ENOX1: variants seen among roughly 807,000 people sequenced by gnomAD.
ENOX1 encodes the protein ecto-NOX disulfide-thiol exchanger 1.
In ENOX1, 42 loss-of-function variants were observed where a neutral mutation model predicts 82.5. The observed-to-expected ratio is 0.51, with a 90% CI of 0.40 to 0.66. The LOEUF (loss-of-function observed/expected upper bound fraction) is 0.66, where lower values mean the gene tolerates loss of function less well. ENOX1 is among the 30% of genes least tolerant of loss of function. ENOX1 has a pLI of 0.00. For synonymous variants in ENOX1, 271 were observed against 282.2 expected (o/e 0.96, Z 0.40); for missense variants, 608 against 811.6 (o/e 0.75, Z 3.05).
At chr13:43,353,725 C>T (rs980201558) in intron 8 of ENOX1, among the ~76,000 whole-genome samples, 9 of 152,194 alleles carry the variant, frequency 5.9e-5, no homozygotes, top group Non-Finnish European at 2.9e-5. Flanking sequence ...TAAGATGTAT[C>T]CCCAGCTAGT....
chr13:43,567,469 C>T (rs1369535283), intron 2 of ENOX1, among the ~76,000 whole-genome samples: 1 of 151,790 alleles, frequency 6.6e-6, no homozygotes, highest in Non-Finnish European at 1.5e-5. Context: ...AAATCATATC[C>T]AGGAAATAAA....
At chr13:43,339,201 T>C (rs1433156573) in intron 9 of ENOX1, among the ~76,000 whole-genome samples, 21 of 152,240 alleles carry the variant, frequency 1.4e-4, no homozygotes. Flanking sequence ...AACTTTTTCT[T>C]TATGTTATTA....
chr13:43,573,676 C>T (rs992254386), intron 2 of ENOX1, among the ~76,000 whole-genome samples: 3 of 152,156 alleles, frequency 2.0e-5, no homozygotes, highest in African/African-American at 2.4e-5. Flanking sequence ...GAGGGCTACA[C>T]ATTTCATTCC....
rs768985965 is a variant in ENOX1, at chr13:43,298,511, G to A, written c.1281C>T (p.Tyr427=). 31 of 1,612,726 alleles carry A rather than the reference G, an allele frequency of 1.9e-5. No individual in the cohort carries two copies. The highest frequency in any genetic ancestry group is 4.5e-5 in the East Asian group (2 of 44,878). Residue 427 remains tyrosine, a synonymous_variant, in exon 12 of 17, where the codon TAC becomes TAT. Transcript: ENST00000690772. ...GACTGTCATTCTCCTCTTTCAGAGC[G>A]TAGGCCTGGGCAGCCAGGGCTGAGG... ...VDESALAAQA[Y]ALKEENDSLR...
At chr13:43,454,260 T>G (rs2057114755) in intron 3 of ENOX1, among the ~76,000 whole-genome samples, 1 of 144,582 alleles carries the variant, frequency 6.9e-6, no homozygotes, top group East Asian at 2.0e-4. Flanking sequence ...GGGGAAACTA[T>G]TTTTTTTTTT....
At chr13:43,455,519 T>G (rs1189119348) in intron 3 of ENOX1, among the ~76,000 whole-genome samples, 1 of 152,204 alleles carries the variant, frequency 6.6e-6, no homozygotes, top group Non-Finnish European at 1.5e-5. Context: ...TCTTTAGTAC[T>G]TGTCTCTGAA....
At chr13:43,661,470 A>T (rs375481352) in intron 2 of ENOX1, among the ~76,000 whole-genome samples, 2 of 152,328 alleles carry the variant, frequency 1.3e-5, no homozygotes, top group South Asian at 4.1e-4. Flanking sequence ...TCTAAAGTAC[A>T]ATGAGCCCAC....
chr13:43,485,058 T>G (rs965434198), intron 2 of ENOX1, among the ~76,000 whole-genome samples: 2 of 152,216 alleles, frequency 1.3e-5, no homozygotes, highest in Non-Finnish European at 1.5e-5. Context: ...CCTGATTGCA[T>G]CAGGAACTGA....
chr13:43,708,287 T>G (rs975774234), intron 1 of ENOX1, among the ~76,000 whole-genome samples: 1 of 152,146 alleles, frequency 6.6e-6, no homozygotes, highest in Non-Finnish European at 1.5e-5. Context: ...GACAGGCCAT[T>G]GCGCATGTCG....
intron 1 of ENOX1, among the ~76,000 whole-genome samples, chr13:43,768,729 T>G (rs745620726): frequency 6.6e-5 from 10 of 152,242 alleles, no homozygotes; most frequent in African/African-American, 9.6e-5. Context: ...CTCATCTATT[T>G]TTACCACTTG....
chr13:43,683,016 CTT>C (rs1198030159), intron 1 of ENOX1, among the ~76,000 whole-genome samples: 4 of 152,140 alleles, frequency 2.6e-5, no homozygotes, highest in East Asian at 1.9e-4. Context: ...GTAAAACAAA[CTT>C]AGCTTCAGAG....
intron 2 of ENOX1, among the ~76,000 whole-genome samples, chr13:43,566,285 A>G (rs549207879): frequency 6.6e-6 from 1 of 152,168 alleles, no homozygotes; most frequent in South Asian, 2.1e-4. Flanking sequence ...ACATTTCTCT[A>G]TGCAGTCATA....
intron 2 of ENOX1, among the ~76,000 whole-genome samples, chr13:43,598,743 G>T: frequency 6.6e-6 from 1 of 152,188 alleles, no homozygotes; most frequent in East Asian, 1.9e-4. Flanking sequence ...AAAAATGTGT[G>T]TTAAAACTAT....
At chr13:43,269,277 A>T (rs1258652560) in intron 13 of ENOX1, among the ~76,000 whole-genome samples, 193 bp downstream of exon 13, 2 of 152,242 alleles carry the variant, frequency 1.3e-5, no homozygotes, top group African/African-American at 4.8e-5. Flanking sequence ...AAACAAGTAC[A>T]GGAGTGAGGA....
chr13:43,258,197 T>G (rs2043857936), intron 14 of ENOX1, among the ~76,000 whole-genome samples: 1 of 152,216 alleles, frequency 6.6e-6, no homozygotes, highest in African/African-American at 2.4e-5. Flanking sequence ...TGTCTGTTTT[T>G]GACAGCAGTT....
chr13:43,510,385 T>C (rs1338719988), intron 2 of ENOX1, among the ~76,000 whole-genome samples: 5 of 152,144 alleles, frequency 3.3e-5, no homozygotes, highest in African/African-American at 1.2e-4. Flanking sequence ...CACTACTGTA[T>C]TCAATCATTT....
At chr13:43,292,788 A>G (rs1339995212) in intron 12 of ENOX1, among the ~76,000 whole-genome samples, 1 of 151,204 alleles carries the variant, frequency 6.6e-6, no homozygotes, top group Non-Finnish European at 1.5e-5. Flanking sequence ...CTTCACCACC[A>G]TAGTCATCAT....
At chr13:43,785,690 G>T (rs1229381609) in intron 1 of ENOX1, among the ~76,000 whole-genome samples, 2 of 152,166 alleles carry the variant, frequency 1.3e-5, no homozygotes, top group East Asian at 3.9e-4. Context: ...AGCTGGGCTT[G>T]CCCACCTGTC....
At chr13:43,515,218 T>C (rs943857925) in intron 2 of ENOX1, among the ~76,000 whole-genome samples, 2 of 152,118 alleles carry the variant, frequency 1.3e-5, no homozygotes, top group Non-Finnish European at 2.9e-5. Flanking sequence ...CTCTCAAAAA[T>C]TCTCAGACTG....
Sources: allele counts gnomAD v4.1 joint callset (sites outside exome capture counted in the v4.1 genomes callset), GRCh38; gene constraint gnomAD v4.1.1; transcripts MANE v1.5; gene names NCBI Gene and HGNC (gene_info 2026-07-23, HGNC 2026-07-21).